Variants in VTA1 observed in about 807,000 individuals in gnomAD.
VTA1 encodes the protein vacuolar protein sorting-associated protein VTA1 homolog.
VTA1 carries 24 observed loss-of-function variants against 36.9 expected under a neutral mutation model. That is an observed-to-expected ratio of 0.65 (90% CI 0.47 to 0.91). The LOEUF (loss-of-function observed/expected upper bound fraction) is 0.91. VTA1 is among the 40% of genes least tolerant of loss of function. The pLI, the probability that VTA1 is intolerant of heterozygous loss-of-function variation, is 0.00. For missense variants in VTA1, 393 were observed against 377.2 expected (o/e 1.04, Z -0.35); for synonymous variants, 142 against 130.2 (o/e 1.09, Z -0.62).
intron 6 of VTA1, among the ~76,000 whole-genome samples, chr6:142,201,706 T>G (rs1302252280): frequency 6.6e-6 from 1 of 152,044 alleles, no homozygotes; most frequent in Non-Finnish European, 1.5e-5. Flanking sequence ...GTACCATGTT[T>G]GCATTCTTCT....
At chr6:142,185,233 T>A (rs925471277) in intron 4 of VTA1, among the ~76,000 whole-genome samples, 1 of 152,172 alleles carries the variant, frequency 6.6e-6, no homozygotes, top group Non-Finnish European at 1.5e-5. Flanking sequence ...GTAACAGTTC[T>A]TTGTATTTTA....
At chr6:142,174,862 G>A (rs1051388240) in intron 4 of VTA1, among the ~76,000 whole-genome samples, 26 of 152,108 alleles carry the variant, frequency 1.7e-4, no homozygotes, top group African/African-American at 4.8e-4. Context: ...CCTGCCTTGC[G>A]ACACGCTGGC....
Position 142,183,574 on chromosome 6 carries a change from G to A in VTA1, c.412-5852G>A, listed in dbSNP as rs373237339. ...AATCTAATAACAAAACAGGAACTTA[G>A]AGGCCAAGGACAAAAGTAAAAGTTC... On this transcript the variant is annotated intron_variant, in intron 4 of 7. Transcript: ENST00000367630. Among the ~76,000 whole-genome samples, 50 of 152,280 alleles carry A rather than the reference G, an allele frequency of 3.3e-4. 1 individual carries two copies. The South Asian group carries it at 0.01, about 31-fold the overall frequency.
Position 142,220,432 on chromosome 6 carries a change from C to G in VTA1, c.*1789C>G, listed in dbSNP as rs568826958. Reference sequence around the variant, plus strand: ...GAGACAATATAGAAACTACGGAGTCCGCTGGTAGTGGGCTGCATGGTGTGA... The same window carrying G: ...GAGACAATATAGAAACTACGGAGTCGGCTGGTAGTGGGCTGCATGGTGTGA... On this transcript the variant is annotated 3_prime_UTR_variant, in exon 8 of 8. Transcript: ENST00000367630. 1 of 152,070 alleles carries G rather than the reference C, an allele frequency of 6.6e-6. No individual in the cohort carries two copies. The highest frequency in any genetic ancestry group is 1.5e-5 in the Non-Finnish European group (1 of 68,032). The allele number at this position is 152,070 out of a possible 1,614,324, so 9.4% of individuals were successfully genotyped here. A position where few individuals can be genotyped will look rare whatever the true frequency, so the allele number is the denominator to read the frequency against.
At chr6:142,151,291 T>G (rs373873026) in intron 1 of VTA1, among the ~76,000 whole-genome samples, 24 of 152,338 alleles carry the variant, frequency 1.6e-4, no homozygotes, top group Admixed American at 1.2e-3. Context: ...TACATGTATC[T>G]GTTAAGGGTA....
chr6:142,147,978 C>A (rs1430695888), intron 1 of VTA1, among the ~76,000 whole-genome samples: 1 of 152,116 alleles, frequency 6.6e-6, no homozygotes, highest in Non-Finnish European at 1.5e-5. Flanking sequence ...GAATAATACC[C>A]GCTGTTGAGA....
At chr6:142,177,072 A>G (rs1333794536) in intron 4 of VTA1, among the ~76,000 whole-genome samples, 1 of 152,198 alleles carries the variant, frequency 6.6e-6, no homozygotes, top group African/African-American at 2.4e-5. Flanking sequence ...TACATACACC[A>G]TACTTTAGGT....
intron 4 of VTA1, among the ~76,000 whole-genome samples, chr6:142,181,609 A>AT (rs920952009): frequency 5.3e-5 from 8 of 150,184 alleles, no homozygotes; most frequent in Admixed American, 2.0e-4. Context: ...TGAAAACTAT[A>AT]TTTTTTTTTC....
At chr6:142,177,140 A>G (rs543042017) in intron 4 of VTA1, among the ~76,000 whole-genome samples, 1 of 152,322 alleles carries the variant, frequency 6.6e-6, no homozygotes, top group Admixed American at 6.5e-5. Context: ...ATAGTAGATA[A>G]ATATGAGAGT....
intron 4 of VTA1, among the ~76,000 whole-genome samples, chr6:142,174,129 C>T (rs528591714): frequency 3.3e-5 from 5 of 152,274 alleles, no homozygotes; most frequent in African/African-American, 1.2e-4. Flanking sequence ...ACCACCCAGA[C>T]CTACCTGAAT....
chr6:142,216,919 G>A (rs571581591), intron 7 of VTA1, among the ~76,000 whole-genome samples: 93 of 152,082 alleles, frequency 6.1e-4, no homozygotes, highest in Non-Finnish European at 1.1e-3. Flanking sequence ...AAAAAGTAGC[G>A]TTAAGGTAAA....
At chr6:142,167,911 T>C (rs1774953251) in intron 2 of VTA1, among the ~76,000 whole-genome samples, 1 of 152,252 alleles carries the variant, frequency 6.6e-6, no homozygotes, top group Non-Finnish European at 1.5e-5. Flanking sequence ...TATAGTATAA[T>C]GTCTCTTTAT....
At chr6:142,197,240 A>G (rs1020567050) in intron 5 of VTA1, among the ~76,000 whole-genome samples, 3 of 152,202 alleles carry the variant, frequency 2.0e-5, no homozygotes, top group African/African-American at 7.2e-5. Context: ...AAATACATCC[A>G]CAAGGTTGCT....
At chr6:142,202,999 G>A (rs1470963291) in intron 6 of VTA1, among the ~76,000 whole-genome samples, 1 of 151,784 alleles carries the variant, frequency 6.6e-6, no homozygotes, top group Non-Finnish European at 1.5e-5. Flanking sequence ...TTTCTCTTAG[G>A]TTGGGGTTGA....
At chr6:142,205,964 A>G (rs1312419250) in intron 7 of VTA1, among the ~76,000 whole-genome samples, 1 of 152,222 alleles carries the variant, frequency 6.6e-6, no homozygotes, top group Non-Finnish European at 1.5e-5. Flanking sequence ...CTCCTTCAAA[A>G]GGTAAAAGGC....
At chr6:142,199,365 C>G (rs751005411) in intron 6 of VTA1, among the ~76,000 whole-genome samples, 8 of 152,076 alleles carry the variant, frequency 5.3e-5, no homozygotes, top group Non-Finnish European at 1.2e-4. Flanking sequence ...AGGACACTTG[C>G]AGCTATAATT....
chr6:142,159,640 A>G, intron 1 of VTA1, among the ~76,000 whole-genome samples: 1 of 151,330 alleles, frequency 6.6e-6, no homozygotes, highest in Admixed American at 6.6e-5. Flanking sequence ...CAGCCTCCCT[A>G]GTAGCTGGGA....
intron 7 of VTA1, among the ~76,000 whole-genome samples, chr6:142,214,088 T>C (rs1194563050): frequency 6.6e-6 from 1 of 152,192 alleles, no homozygotes; most frequent in Non-Finnish European, 1.5e-5. Flanking sequence ...TCAGATAATC[T>C]CTTTGTTCAT....
At chr6:142,163,017 A>C (rs1287824869) in intron 1 of VTA1, among the ~76,000 whole-genome samples, 2 of 152,224 alleles carry the variant, frequency 1.3e-5, no homozygotes, top group African/African-American at 2.4e-5. Context: ...AGGGGTCAAT[A>C]AGAATTGAGA....
Sources: allele counts gnomAD v4.1 joint callset (sites outside exome capture counted in the v4.1 genomes callset), GRCh38; gene constraint gnomAD v4.1.1; transcripts MANE v1.5; gene names NCBI Gene and HGNC (gene_info 2026-07-23, HGNC 2026-07-21).